Variants in PLCB1 observed in about 807,000 individuals in gnomAD.
PLCB1 encodes 1-phosphatidylinositol 4,5-bisphosphate phosphodiesterase beta-1.
A neutral mutation model predicts 161.8 loss-of-function variants in PLCB1; 46 were observed. The observed-to-expected ratio is 0.28, with a 90% CI of 0.22 to 0.36. The LOEUF is 0.36. Among genes scored for constraint, PLCB1 ranks in the 10% least tolerant of loss-of-function variants. The pLI is 1.00. For missense variants in PLCB1, 1,016 were observed against 1,472.5 expected (o/e 0.69, Z 5.07); for synonymous variants, 517 against 503.7 (o/e 1.03, Z -0.35).
chr20:8,665,543 T>C (rs1989789901), intron 9 of PLCB1, among the ~76,000 whole-genome samples: 1 of 152,186 alleles, frequency 6.6e-6, no homozygotes, highest in African/African-American at 2.4e-5. Context: ...GAAAAAAATA[T>C]GGCATGTCAC....
rs149052537 is a variant in PLCB1, at chr20:8,285,991, C to T, written c.178-85391C>T. Among the ~76,000 whole-genome samples, 16 of 152,272 alleles carry T rather than the reference C, an allele frequency of 1.1e-4. No homozygotes were observed. In the East Asian group the frequency reaches 3.1e-3, roughly 29 times the overall value. ...TCCTTTCATATAGTAGTCCATTGGTCATTTTATAAGGAATCCAAGAAGCAT... is the reference window on the plus strand; with the variant it reads ...TCCTTTCATATAGTAGTCCATTGGTTATTTTATAAGGAATCCAAGAAGCAT... On this transcript the variant is annotated intron_variant, in intron 2 of 31. Coordinates refer to ENST00000338037, the MANE Select transcript of PLCB1 (RefSeq NM_015192.4).
chr20:8,666,293 G>A (rs1989811055), intron 9 of PLCB1, among the ~76,000 whole-genome samples: 1 of 152,100 alleles, frequency 6.6e-6, no homozygotes, highest in Non-Finnish European at 1.5e-5. Flanking sequence ...AAAGGTGCTT[G>A]CACTCAAATC....
intron 3 of PLCB1, among the ~76,000 whole-genome samples, chr20:8,624,534 A>G (rs1396180987): frequency 6.6e-6 from 1 of 152,224 alleles, no homozygotes; most frequent in Non-Finnish European, 1.5e-5. Context: ...CTTTTTTTAA[A>G]TCATCCTTTA....
chr20:8,397,394 A>G (rs1487611972), intron 3 of PLCB1, among the ~76,000 whole-genome samples: 3 of 152,144 alleles, frequency 2.0e-5, no homozygotes, highest in Admixed American at 2.0e-4. Context: ...AGAGATTAAA[A>G]TGCTCTATTG....
chr20:8,482,192 C>T (rs907254399), intron 3 of PLCB1, among the ~76,000 whole-genome samples: 11 of 147,368 alleles, frequency 7.5e-5, no homozygotes, highest in Non-Finnish European at 8.9e-5. Context: ...CAACCTCTGC[C>T]TCTCGGGTTC....
At chr20:8,142,579 G>T (rs1012864995) in intron 1 of PLCB1, among the ~76,000 whole-genome samples, 4 of 152,110 alleles carry the variant, frequency 2.6e-5, no homozygotes, top group African/African-American at 9.7e-5. Flanking sequence ...TTTACCATTA[G>T]TTCCTATTTT....
chr20:8,798,744 C>T (rs916527633), intron 31 of PLCB1, among the ~76,000 whole-genome samples: 1 of 152,200 alleles, frequency 6.6e-6, no homozygotes, highest in Admixed American at 6.5e-5. Context: ...CTGACTCCCC[C>T]ATCAGCCCTC....
chr20:8,276,223 T>C (rs974907778), intron 2 of PLCB1, among the ~76,000 whole-genome samples: 1 of 152,210 alleles, frequency 6.6e-6, no homozygotes, highest in African/African-American at 2.4e-5. Context: ...ATTTGAAAGA[T>C]AAAATTGTAT....
At chr20:8,758,511 G>A (rs1232631115) in intron 24 of PLCB1, among the ~76,000 whole-genome samples, 2 of 152,032 alleles carry the variant, frequency 1.3e-5, no homozygotes, top group Admixed American at 6.6e-5. Context: ...GAACCCAGGA[G>A]GCGGAGGTGC....
chr20:8,449,648 G>T (rs1980987124), intron 3 of PLCB1, among the ~76,000 whole-genome samples: 1 of 152,170 alleles, frequency 6.6e-6, no homozygotes, highest in Non-Finnish European at 1.5e-5. Context: ...TTCTTAGAGT[G>T]TCCCTAACAG....
At chr20:8,513,733 G>T (rs1049862367) in intron 3 of PLCB1, among the ~76,000 whole-genome samples, 3 of 152,160 alleles carry the variant, frequency 2.0e-5, no homozygotes, top group Non-Finnish European at 4.4e-5. Context: ...AAAGTGGTCA[G>T]GTGCAGTGGC....
Position 8,716,283 on chromosome 20 carries a change from A to G in PLCB1, c.1270A>G (p.Met424Val). 6.2e-7 allele frequency: 1 copy of G among 1,614,038 alleles called. No individual in the cohort carries two copies. The highest frequency in any genetic ancestry group is 8.5e-7 in the Non-Finnish European group (1 of 1,179,930). Residue 424 changes from methionine (M) to valine (V), a missense_variant, in exon 13 of 32, where the codon ATG becomes GTG. Coordinates refer to ENST00000338037, the MANE Select transcript of PLCB1 (RefSeq NM_015192.4). ...HVDSPKQQAK[M>V]AEYCRLIFGD... Reference sequence around the variant, plus strand: ...CCTTAGCCCAAAGCAGCAAGCCAAGATGGCGGAGTACTGCCGACTGATCTT... The same window carrying G: ...CCTTAGCCCAAAGCAGCAAGCCAAGGTGGCGGAGTACTGCCGACTGATCTT...
intron 2 of PLCB1, chr20:8,305,901 CTG>C (rs1420940938): frequency 1.3e-5 from 2 of 152,142 alleles, no homozygotes; most frequent in Non-Finnish European, 2.9e-5. Context: ...AGAAAACAGT[CTG>C]AGCCTGGAGA....
At chr20:8,348,730 G>A (rs987977484) in intron 2 of PLCB1, among the ~76,000 whole-genome samples, 1 of 152,148 alleles carries the variant, frequency 6.6e-6, no homozygotes, top group African/African-American at 2.4e-5. Context: ...TTACAGCTGA[G>A]CTTAAACTTA....
chr20:8,391,296 A>G (rs1600368800), intron 3 of PLCB1, among the ~76,000 whole-genome samples: 1 of 152,254 alleles, frequency 6.6e-6, no homozygotes, highest in East Asian at 1.9e-4. Context: ...CTTTGCAGCC[A>G]AACACCTACC....
intron 31 of PLCB1, among the ~76,000 whole-genome samples, chr20:8,867,450 T>C (rs1278736642): frequency 6.6e-6 from 1 of 152,260 alleles, no homozygotes; most frequent in Non-Finnish European, 1.5e-5. Context: ...TTCTTTCTGG[T>C]TGGTGGCATT....
chr20:8,264,751 G>A (rs1427799387), intron 2 of PLCB1, among the ~76,000 whole-genome samples: 1 of 152,072 alleles, frequency 6.6e-6, no homozygotes, highest in Non-Finnish European at 1.5e-5. Flanking sequence ...ACACACATAT[G>A]TTCATCTCTT....
In PLCB1 at chr20:8,447,633, A is replaced by G. The variant is rs541030696; in HGVS notation, c.246+76183A>G. On this transcript the variant is annotated intron_variant, in intron 3 of 31. Coordinates refer to ENST00000338037, the MANE Select transcript of PLCB1 (RefSeq NM_015192.4). ...TGTTCTAGGAAGGCAGGAGACTCTC[A>G]GTGAAAGGTACAGAGGAATATAATT... 1.1e-3 allele frequency among the ~76,000 whole-genome samples: 167 copies of G among 152,312 alleles called. 1 individual carries two copies. Among genetic ancestry groups the G allele is most frequent in the Non-Finnish European group, 3.2e-4 (22 of 68,022 alleles).
intron 21 of PLCB1, 80 bp downstream of exon 21, chr20:8,739,440 C>G (rs1980756008): frequency 2.3e-6 from 2 of 857,008 alleles, no homozygotes; most frequent in Admixed American, 2.0e-5. Flanking sequence ...TAGAAAATGA[C>G]TTAAGAAACT....
Sources: allele counts gnomAD v4.1 joint callset (sites outside exome capture counted in the v4.1 genomes callset), GRCh38; gene constraint gnomAD v4.1.1; transcripts MANE v1.5; gene names NCBI Gene and HGNC (gene_info 2026-07-23, HGNC 2026-07-21).